Variants in SLC13A2 observed in about 807,000 individuals in gnomAD.
SLC13A2 encodes the protein Na(+)-coupled citrate transporter.
Under a neutral mutation model 58.5 loss-of-function variants are expected in SLC13A2, and 40 were observed. The ratio of observed to expected loss-of-function variants is 0.68; its 90% CI spans 0.53 to 0.89. SLC13A2 has a LOEUF of 0.89. SLC13A2 is among the 40% of genes least tolerant of loss of function. SLC13A2 has a pLI of 0.00. For synonymous variants in SLC13A2, 341 were observed against 331.6 expected (o/e 1.03, Z -0.31); for missense variants, 694 against 772.6 (o/e 0.90, Z 1.21).
chr17:28,493,542 C>G (rs151202367), intron 6 of SLC13A2, 29 bp from the exon 7 acceptor site: 12 of 1,561,508 alleles, frequency 7.7e-6, no homozygotes, highest in Non-Finnish European at 7.0e-6. Context: ...GCAGGCCCCC[C>G]ACGAGCTGCC....
At chr17:28,487,688 T>A in intron 1 of SLC13A2, 2 of 563,516 alleles carry the variant, frequency 3.5e-6, no homozygotes, top group South Asian at 7.8e-5. Flanking sequence ...TCATTGCGGG[T>A]GAGGAAACAC....
chr17:28,484,602 G>A (rs528486128), intron 1 of SLC13A2, among the ~76,000 whole-genome samples: 2 of 152,226 alleles, frequency 1.3e-5, no homozygotes, highest in East Asian at 1.9e-4. Flanking sequence ...GGGAGGGGAG[G>A]TGCAAATTAA....
intron 6 of SLC13A2, 70 bp from the exon 7 acceptor site, chr17:28,493,501 A>C: frequency 7.7e-7 from 1 of 1,306,826 alleles, no homozygotes; most frequent in Non-Finnish European, 1.0e-6. Flanking sequence ...TTTAGATGGT[A>C]GGCACTCAGA....
At chr17:28,479,742 G>A (rs2068750198) in intron 1 of SLC13A2, among the ~76,000 whole-genome samples, 1 of 152,218 alleles carries the variant, frequency 6.6e-6, no homozygotes, top group South Asian at 2.1e-4. Flanking sequence ...AATTAAGGCT[G>A]GGAGTGGTGG....
At chr17:28,477,413 C>A (rs1006468704) in intron 1 of SLC13A2, among the ~76,000 whole-genome samples, 1 of 151,762 alleles carries the variant, frequency 6.6e-6, no homozygotes, top group Non-Finnish European at 1.5e-5. Context: ...CCAGGATGGT[C>A]TTGATCTCCT....
At chr17:28,481,000 C>T (rs1368745700) in intron 1 of SLC13A2, among the ~76,000 whole-genome samples, 1 of 152,140 alleles carries the variant, frequency 6.6e-6, no homozygotes, top group African/African-American at 2.4e-5. Context: ...GGATCCCTGG[C>T]GTAGAGTCCC....
chr17:28,483,531 G>A (rs1346817197), intron 1 of SLC13A2, among the ~76,000 whole-genome samples: 1 of 152,184 alleles, frequency 6.6e-6, no homozygotes, highest in African/African-American at 2.4e-5. Flanking sequence ...CAGATACTCA[G>A]GAGGCTGAGG....
chr17:28,491,017 A>C (rs1333871968), intron 4 of SLC13A2, 111 bp downstream of exon 4: 1 of 1,055,462 alleles, frequency 9.5e-7, no homozygotes, highest in Non-Finnish European at 1.3e-6. Context: ...GAGAGAAGAA[A>C]GAGATGCAAG....
intron 7 of SLC13A2, 52 bp from the exon 8 acceptor site, chr17:28,493,965 G>A (rs2069086099): frequency 1.3e-6 from 2 of 1,575,104 alleles, no homozygotes; most frequent in Non-Finnish European, 8.7e-7. Context: ...CTGTGGCCCT[G>A]AGCAACCCCA....
At chr17:28,481,130 C>G (rs1307546226) in intron 1 of SLC13A2, among the ~76,000 whole-genome samples, 1 of 152,192 alleles carries the variant, frequency 6.6e-6, no homozygotes, top group Non-Finnish European at 1.5e-5. Context: ...TGGATGTAAT[C>G]CAGCAGCGAG....
intron 1 of SLC13A2, among the ~76,000 whole-genome samples, chr17:28,482,774 C>G (rs1204953396): frequency 6.6e-6 from 1 of 152,188 alleles, no homozygotes; most frequent in Non-Finnish European, 1.5e-5. Context: ...CCTTTGCCCA[C>G]TAACTGAACT....
At position 28,496,365 on chromosome 17, in the gene SLC13A2, C is replaced by A; in HGVS notation, c.1471-85C>A. The A allele has an allele frequency of 6.7e-7, 1 of 1,497,530 alleles. No individual in the cohort carries two copies. Among genetic ancestry groups the A allele is most frequent in the Non-Finnish European group, 8.9e-7 (1 of 1,117,350 alleles). 92.8% of individuals were successfully genotyped at this position (1,497,530 alleles called of 1,614,324 possible). The stretch of plus-strand genomic sequence containing the variant: ...GTATTAGGGTACAGGGGTTGTTCCC[C>A]AGAGAAGCAGGAGAATTGGGGGCCA... On this transcript the variant is annotated intron_variant, in intron 10 of 11. Transcript: ENST00000314669. The surrounding 1 kb of genome is among the most constrained non-coding windows in gnomAD (Gnocchi z 4.2).
At chr17:28,478,041 G>A (rs1017025824) in intron 1 of SLC13A2, among the ~76,000 whole-genome samples, 3 of 151,928 alleles carry the variant, frequency 2.0e-5, no homozygotes, top group African/African-American at 7.3e-5. Context: ...CTAGGAGACA[G>A]AGCAAGGCTC....
At chr17:28,489,409 C>A (rs2068957229) in intron 2 of SLC13A2, 67 bp downstream of exon 2, 1 of 1,527,728 alleles carries the variant, frequency 6.5e-7, no homozygotes, top group Non-Finnish European at 8.8e-7. Flanking sequence ...GTTCCCTCAG[C>A]CCTTGTTGAC....
Position 28,490,036 on chromosome 17 carries a change from G to A in SLC13A2, c.232-418G>A, listed in dbSNP as rs142339708. ...TGCCTGTAATCCTAGCACTTTAGGG[G>A]GCCAAGGCGGGTGGATCACTTGAGC... On this transcript the variant is annotated intron_variant, in intron 2 of 11. Coordinates refer to ENST00000314669, the MANE Select transcript of SLC13A2 (RefSeq NM_003984.4). 8.3e-4 allele frequency among the ~76,000 whole-genome samples: 126 copies of A among 152,290 alleles called. 1 individual carries two copies. The highest frequency in any genetic ancestry group is 3.0e-3 in the African/African-American group (123 of 41,574).
At position 28,493,637 on chromosome 17, in the gene SLC13A2, C is replaced by A; in HGVS notation, c.945C>A (p.Ile315=). The change falls in exon 7 of 12, where the codon ATC becomes ATA. Residue 315 remains isoleucine (I), a synonymous_variant. Transcript: ENST00000314669. ...AACAGCAGGCAGCCTACTGCGTCAT[C>A]CAGACCGAGCACAGGCTGCTGGGCC... ...QEQQQAAYCV[I]QTEHRLLGPM... 6.2e-7 allele frequency: 1 copy of A among 1,614,150 alleles called. No individual in the cohort carries two copies. The highest frequency in any genetic ancestry group is 8.5e-7 in the Non-Finnish European group (1 of 1,179,986).
At position 28,488,921 on chromosome 17, in the gene SLC13A2, C is replaced by T. The variant is rs1424194161; in HGVS notation, c.103-293C>T. On this transcript the variant is annotated intron_variant, in intron 1 of 11. Coordinates refer to ENST00000314669, the MANE Select transcript of SLC13A2 (RefSeq NM_003984.4). ...CATCTTGGGATCCTCAGCTGGGCCCCTGCAATCCCACTGGGCTGGATGGGG... is the reference window on the plus strand; with the variant it reads ...CATCTTGGGATCCTCAGCTGGGCCCTTGCAATCCCACTGGGCTGGATGGGG... Among the ~76,000 whole-genome samples the T allele has an allele frequency of 3.3e-5, 5 of 152,238 alleles. 1 individual carries two copies. In the East Asian group the frequency reaches 9.6e-4, roughly 29 times the overall value.
chr17:28,487,913 A>G (rs547100285), intron 1 of SLC13A2, among the ~76,000 whole-genome samples: 1 of 152,282 alleles, frequency 6.6e-6, no homozygotes, highest in African/African-American at 2.4e-5. Flanking sequence ...CACCATTCAC[A>G]CAGACTACAA....
intron 1 of SLC13A2, among the ~76,000 whole-genome samples, chr17:28,481,258 T>C (rs1451420554): frequency 6.6e-6 from 1 of 152,240 alleles, no homozygotes; most frequent in Non-Finnish European, 1.5e-5. Context: ...TCCCCACTTT[T>C]GTTTTCTCCA....
Sources: gnomAD v4.1 joint callset for allele counts (sites outside exome capture counted in the v4.1 genomes callset) on GRCh38, gnomAD v4.1.1 for gene constraint, Gnocchi (gnomAD v3.1) non-coding constraint, MANE v1.5 for transcripts, NCBI Gene and HGNC (gene_info 2026-07-23, HGNC 2026-07-21) for gene names.